ALAD: variants seen among roughly 807,000 people sequenced by gnomAD.
ALAD encodes the protein aminolevulinate dehydratase.
Under a neutral mutation model 44.4 loss-of-function variants are expected in ALAD, and 20 were observed. The ratio of observed to expected loss-of-function variants is 0.45; its 90% CI spans 0.32 to 0.65. The LOEUF is 0.65. Among genes scored for constraint, ALAD ranks in the 30% least tolerant of loss-of-function variants. The pLI, the probability that ALAD is intolerant of heterozygous loss-of-function variation, is 0.05. For missense variants in ALAD, 323 were observed against 445.7 expected, an observed-to-expected ratio of 0.72 and a Z score of 2.48; for synonymous variants, 156 against 167.9, an observed-to-expected ratio of 0.93 and a Z score of 0.55.
chr9:113,389,019 T>C lies in ALAD; in HGVS notation c.889A>G (p.Lys297Glu), dbSNP rs779391805. The change falls in exon 11 of 12, where the codon AAG becomes GAG. Residue 297 changes from lysine (K) to glutamate (E), a missense_variant. Coordinates refer to ENST00000409155, the MANE Select transcript of ALAD (RefSeq NM_000031.6). ...HGAQAGAFDL[K>E]AAVLEAMTAF... ...GTCATGGCCTCCAGTACGGCAGCCTTGAGATCAAATGCCCCGGCCTGGGCT... is the reference window on the plus strand; with the variant it reads ...GTCATGGCCTCCAGTACGGCAGCCTCGAGATCAAATGCCCCGGCCTGGGCT... 4 of 1,613,770 alleles carry C rather than the reference T, an allele frequency of 2.5e-6. No homozygotes were observed. Among genetic ancestry groups the C allele is most frequent in the Admixed American group, 1.7e-5 (1 of 60,030 alleles).
chr9:113,388,249 G>A lies in ALAD; in HGVS notation c.*51C>T, dbSNP rs112609758. 1 of 1,586,170 alleles carries A rather than the reference G, an allele frequency of 6.3e-7. No homozygotes were observed. On this transcript the variant is annotated 3_prime_UTR_variant, in exon 12 of 12. Transcript: ENST00000409155. ...TTTACTTTGGTTTTCACTTGTCTGA[G>A]GCCCCGGGAACGTTTTAAAGTTCTA...
chr9:113,391,924 G>T (rs371546197), intron 3 of ALAD, among the ~76,000 whole-genome samples, 195 bp downstream of exon 3: 45 of 152,318 alleles, frequency 3.0e-4, no homozygotes, highest in African/African-American at 1.1e-3. Context: ...CGGGTGATGG[G>T]TAGCTCTTTA....
chr9:113,393,348 C>A, intron 2 of ALAD, 99 bp downstream of exon 2: 2 of 1,119,314 alleles, frequency 1.8e-6, no homozygotes, highest in South Asian at 1.3e-5. Flanking sequence ...CTCACTTTGC[C>A]ACCCCCAGCC....
At position 113,393,481 on chromosome 9, in the gene ALAD, T is replaced by G; in HGVS notation, c.79A>C (p.Asn27His). 6.2e-7 allele frequency: 1 copy of G among 1,612,442 alleles called. No individual in the cohort carries two copies. Among genetic ancestry groups the G allele is most frequent in the South Asian group, 1.1e-5 (1 of 91,066 alleles). Residue 27 changes from asparagine to histidine, a missense_variant, in exon 2 of 12, where the codon AAT (asparagine) becomes CAT (histidine). Transcript: ENST00000409155. Reference sequence around the variant, plus strand: ...ATGGGGTAGATGAGGTTGGAGGCATTGAGGGTGGTGGTGGCTGTCTGCCAG... The same window carrying G: ...ATGGGGTAGATGAGGTTGGAGGCATGGAGGGTGGTGGTGGCTGTCTGCCAG... ...RAWQTATTTL[N>H]ASNLIYPIFV... is the part of the protein sequence containing the mutation.
At chr9:113,397,620 C>CTTTTTTTTTT (rs554533853) in intron 1 of ALAD, among the ~76,000 whole-genome samples, 1 of 108,780 alleles carries the variant, frequency 9.2e-6, no homozygotes, top group Non-Finnish European at 1.8e-5. Context: ...TTTTCCTTTT[C>CTTTTTTTTTT]TTTTTTTTTT....
rs758622234 is a variant in ALAD at position 113,390,455 on chromosome 9, G to A, written c.520C>T (p.Arg174Cys). The A allele has an allele frequency of 3.0e-5, 49 of 1,613,962 alleles. No homozygotes were observed. Among genetic ancestry groups the A allele is most frequent in the Admixed American group, 8.3e-5 (5 of 60,000 alleles). ...VVAPSDMMDG[R>C]VEAIKEALMA... ...AGGGCCTCTTTGATGGCTTCCACGCGTCCATCCATCATGTCCGACGGGGCT... is the reference window on the plus strand; with the variant it reads ...AGGGCCTCTTTGATGGCTTCCACGCATCCATCCATCATGTCCGACGGGGCT... The change falls in exon 7 of 12, where the codon CGC becomes TGC. Residue 174 changes from arginine to cysteine, a missense_variant. By Grantham distance (180) the Arg-to-Cys change is radical (BLOSUM62 -3). Transcript: ENST00000409155.
At chr9:113,398,496 C>T (rs773359836) in intron 1 of ALAD, among the ~76,000 whole-genome samples, 6 of 152,244 alleles carry the variant, frequency 3.9e-5, no homozygotes, top group African/African-American at 1.2e-4. Flanking sequence ...AGCCTGAGAC[C>T]GGGGCAGGGT....
Position 113,391,510 on chromosome 9 carries a change from T to C in ALAD, c.261+17A>G. 1 of 1,611,950 alleles carries C rather than the reference T, an allele frequency of 6.2e-7. No homozygotes were observed. The highest frequency in any genetic ancestry group is 8.5e-7 in the Non-Finnish European group (1 of 1,178,078). On this transcript the variant is annotated intron_variant, in intron 4 of 11. Transcript: ENST00000409155. ...TGAGCGCAACCTCCCTTCTTAGCCC[T>C]TCCTTTGATTCTTCACCTTGGGAAC... is the stretch of plus-strand genomic sequence containing the variant.
intron 1 of ALAD, among the ~76,000 whole-genome samples, chr9:113,398,851 C>T (rs1169090382): frequency 6.6e-6 from 1 of 152,136 alleles, no homozygotes; most frequent in Admixed American, 6.5e-5. Context: ...AGTGGGAAAA[C>T]ACCCCCTGAA....
At chr9:113,393,351 C>T (rs1827644619) in intron 2 of ALAD, 96 bp downstream of exon 2, 3 of 1,162,522 alleles carry the variant, frequency 2.6e-6, no homozygotes, top group Non-Finnish European at 3.9e-6. Context: ...ACTTTGCCAC[C>T]CCCAGCCATA....
Position 113,390,626 on chromosome 9 carries a change from G to T in ALAD, c.448C>A (p.Leu150Met). The change falls in exon 6 of 12, where the codon CTG (leucine) becomes ATG (methionine). Residue 150 changes from leucine to methionine, a missense_variant. Leu to Met is a conservative substitution (Grantham distance 15, BLOSUM62 2). Coordinates refer to ENST00000409155, the MANE Select transcript of ALAD (RefSeq NM_000031.6). ...AFRAEESRQR[L>M]AEVALAYAKA... ...GCATACGCCAATGCCACCTCAGCCA[G>T]CCGCTGGCGGCTCTCCTCAGCCCGG... is the stretch of plus-strand genomic sequence containing the variant. The T allele has an allele frequency of 6.2e-7, 1 of 1,614,184 alleles. No individual in the cohort carries two copies. The highest frequency in any genetic ancestry group is 8.5e-7 in the Non-Finnish European group (1 of 1,180,028).
Position 113,392,180 on chromosome 9 carries a change from G to A in ALAD, c.114-11C>T, listed in dbSNP as rs150880780. On this transcript the variant is annotated splice_polypyrimidine_tract_variant and intron_variant, in intron 2 of 11. Transcript: ENST00000409155. Reference sequence around the variant, plus strand: ...TCATCAGGAACATCCCTGCAAGAGCGGGGGTGGGATATGGATTGGTAGCTG... The same window carrying A: ...TCATCAGGAACATCCCTGCAAGAGCAGGGGTGGGATATGGATTGGTAGCTG... 3.1e-6 allele frequency: 5 copies of A among 1,613,832 alleles called. No homozygotes were observed. The highest frequency in any genetic ancestry group is 2.2e-5 in the South Asian group (2 of 91,074).
rs771501606 is a variant in ALAD at position 113,392,320 on chromosome 9, TGGCCAAGCCCA to T, written c.114-162_114-152del. The T allele has an allele frequency of 5.1e-6, 8 of 1,556,596 alleles. No homozygotes were observed. In the African/African-American group the frequency reaches 1.1e-4, roughly 21 times the overall value. ...GGATCCAGTGTCTGGCTTCCCTGCCTGGCCAAGCCCAGGGCCTGAAATAATAATAGGAACAA... is the reference window on the plus strand; with the variant it reads ...GGATCCAGTGTCTGGCTTCCCTGCCTGGGCCTGAAATAATAATAGGAACAA... On this transcript the variant is annotated intron_variant, in intron 2 of 11. Coordinates refer to ENST00000409155, the MANE Select transcript of ALAD (RefSeq NM_000031.6).
At chr9:113,391,944 G>C (rs1588084493) in intron 3 of ALAD, among the ~76,000 whole-genome samples, 175 bp downstream of exon 3, 1 of 152,168 alleles carries the variant, frequency 6.6e-6, no homozygotes. Context: ...ACTTTATGGG[G>C]CTGCCCCTTC....
rs919731379 is a variant in ALAD, at chr9:113,387,901, G to A, written c.*399C>T. 10 of 312,954 alleles carry A rather than the reference G, an allele frequency of 3.2e-5. No individual in the cohort carries two copies. Among genetic ancestry groups the A allele is most frequent in the Admixed American group, 8.1e-5 (2 of 24,620 alleles). 19.4% of individuals were successfully genotyped at this position (312,954 alleles called of 1,614,324 possible). ...CACACCCAGCTCTGCTGCCAGAAGC[G>A]TTCCAAGGCTTCTCAGGCCCCAAGA... On this transcript the variant is annotated 3_prime_UTR_variant, in exon 12 of 12. Coordinates refer to ENST00000409155, the MANE Select transcript of ALAD (RefSeq NM_000031.6).
intron 1 of ALAD, among the ~76,000 whole-genome samples, chr9:113,400,287 C>G (rs554235847): frequency 6.6e-6 from 1 of 152,154 alleles, no homozygotes; most frequent in African/African-American, 2.4e-5. Context: ...CACCATGACA[C>G]CTCCATACTT....
At chr9:113,391,995 T>C (rs1055664565) in intron 3 of ALAD, 124 bp downstream of exon 3, 2 of 1,009,340 alleles carry the variant, frequency 2.0e-6, no homozygotes, top group Middle Eastern at 6.0e-4. Context: ...CCCTTTCCTC[T>C]ACTGAGCTAA....
intron 1 of ALAD, among the ~76,000 whole-genome samples, chr9:113,393,939 A>G (rs1392569115): frequency 6.6e-6 from 1 of 151,152 alleles, no homozygotes; most frequent in South Asian, 2.1e-4. Context: ...TTTAAAAAAA[A>G]TTCTCTTCTT....
At chr9:113,391,025 C>T in intron 4 of ALAD, 92 bp from the exon 5 acceptor site, 1 of 1,531,368 alleles carries the variant, frequency 6.5e-7, no homozygotes, top group Non-Finnish European at 8.9e-7. Context: ...CCCTGGCCTT[C>T]TCCTTCCTTC....
Sources: gnomAD v4.1 joint callset for allele counts (sites outside exome capture counted in the v4.1 genomes callset) on GRCh38, gnomAD v4.1.1 for gene constraint, MANE v1.5 for transcripts, NCBI Gene and HGNC (gene_info 2026-07-23, HGNC 2026-07-21) for gene names.